The following LRRC49 variants were observed in gnomAD, a reference collection of about 807,000 sequenced individuals.
The protein encoded by LRRC49 is leucine-rich repeat-containing protein 49.
A neutral mutation model predicts 83.3 loss-of-function variants in LRRC49; 50 were observed. The ratio of observed to expected loss-of-function variants is 0.60; its 90% CI spans 0.48 to 0.76. The LOEUF is 0.76. Among genes scored for constraint, LRRC49 ranks in the 30% least tolerant of loss-of-function variants. LRRC49 has a pLI of 0.00. For missense variants in LRRC49, 704 were observed against 809.1 expected, an observed-to-expected ratio of 0.87 and a Z score of 1.58; for synonymous variants, 286 against 283.3, an observed-to-expected ratio of 1.01 and a Z score of -0.10.
intron 7 of LRRC49, among the ~76,000 whole-genome samples, chr15:70,928,433 T>C (rs563578420): frequency 6.6e-6 from 1 of 152,306 alleles, no homozygotes; most frequent in Admixed American, 6.5e-5. Context: ...AAGTGCTGAA[T>C]AAAATAGTTG....
At position 70,895,903 on chromosome 15, in the gene LRRC49, C is replaced by G; in HGVS notation, c.160C>G (p.His54Asp). The G allele has an allele frequency of 1.2e-6, 2 of 1,610,932 alleles. No homozygotes were observed. Among genetic ancestry groups the G allele is most frequent in the Non-Finnish European group, 1.7e-6 (2 of 1,178,262 alleles). ...GTCATTCCCCGGTAGACTTTTACAA[C>G]ATGACCTTGAAAGAAACTACTCAAG... is the stretch of plus-strand genomic sequence containing the variant. ...TSSFPGRLLQHDLERNYSSRQ... is the reference protein window; with the variant it reads ...TSSFPGRLLQDDLERNYSSRQ... Residue 54 changes from histidine to aspartate, a missense_variant, in exon 3 of 16, where the codon CAT becomes GAT. This residue lies in a region of LRRC49 where 261 missense variants were observed against 330.5 expected (regional missense o/e 0.79). Coordinates refer to ENST00000260382, the MANE Select transcript of LRRC49 (RefSeq NM_017691.5).
intron 7 of LRRC49, among the ~76,000 whole-genome samples, chr15:70,929,403 T>C (rs1244274431): frequency 6.6e-6 from 1 of 152,192 alleles, no homozygotes; most frequent in Non-Finnish European, 1.5e-5. Context: ...ATACCTTAAT[T>C]CAAAAATACT....
chr15:70,874,069 A>AGGG (rs2033104769), intron 2 of LRRC49, among the ~76,000 whole-genome samples: 1 of 152,158 alleles, frequency 6.6e-6, no homozygotes, highest in Non-Finnish European at 1.5e-5. Flanking sequence ...TAGTCCAGCT[A>AGGG]GGGAACCTTC....
At chr15:70,858,759 G>GC in intron 1 of LRRC49, 4 of 1,152,696 alleles carry the variant, frequency 3.5e-6, no homozygotes, top group Middle Eastern at 2.0e-4. Flanking sequence ...TCCACCTCTG[G>GC]CCCCCGGGCC....
intron 2 of LRRC49, among the ~76,000 whole-genome samples, chr15:70,893,868 GT>G (rs772167690): frequency 5.8e-4 from 80 of 138,372 alleles, no homozygotes; most frequent in Non-Finnish European, 4.6e-4. Flanking sequence ...GGGTTTTTTT[GT>G]TTTTTTTTTT....
intron 1 of LRRC49, chr15:70,859,977 G>A: frequency 1.3e-6 from 1 of 759,680 alleles, no homozygotes; most frequent in Non-Finnish European, 2.4e-6. Flanking sequence ...TATGCAGGTG[G>A]TCTGAGCTCC....
chr15:70,962,584 T>C lies in LRRC49; in HGVS notation c.774-1201T>C, dbSNP rs539575429. Among the ~76,000 whole-genome samples the C allele has an allele frequency of 4.0e-5, 6 of 151,640 alleles. No individual in the cohort carries two copies. The South Asian group carries it at 6.3e-4, about 16-fold the overall frequency. On this transcript the variant is annotated intron_variant, in intron 8 of 15. Coordinates refer to ENST00000260382, the MANE Select transcript of LRRC49 (RefSeq NM_017691.5). The stretch of plus-strand genomic sequence containing the variant: ...AAATACATGAGTATAGAAAATCTTA[T>C]AGTGCCAGAAAGTAAGAAAGTGCTC...
upstream of LRRC49, chr15:70,892,579 G>A (rs1018851762): frequency 2.0e-6 from 3 of 1,480,852 alleles, no homozygotes; most frequent in Admixed American, 4.2e-5. Flanking sequence ...GACCGGAAGT[G>A]GTGGTGGTTA....
chr15:70,864,033 A>T (rs983546832), intron 1 of LRRC49, among the ~76,000 whole-genome samples: 2 of 152,060 alleles, frequency 1.3e-5, no homozygotes, highest in African/African-American at 4.8e-5. Flanking sequence ...CCCATTGGAT[A>T]GGGTATAGTC....
chr15:70,886,871 G>GA (rs533682325), intron 2 of LRRC49, among the ~76,000 whole-genome samples: 89 of 137,656 alleles, frequency 6.5e-4, no homozygotes, highest in Non-Finnish European at 8.8e-4. Context: ...GTCTAAAAAA[G>GA]AAAAAAAAAA....
intron 8 of LRRC49, among the ~76,000 whole-genome samples, chr15:70,938,284 A>C (rs1390804538): frequency 6.6e-6 from 1 of 152,152 alleles, no homozygotes; most frequent in Non-Finnish European, 1.5e-5. Context: ...AGTTCTGCTC[A>C]CCCAGCAAAA....
At chr15:70,977,785 T>C (rs901195708) in intron 9 of LRRC49, among the ~76,000 whole-genome samples, 2 of 152,124 alleles carry the variant, frequency 1.3e-5, no homozygotes, top group African/African-American at 4.8e-5. Context: ...TTCTAAACTC[T>C]TCTTTATCTA....
At chr15:71,036,224 T>G (rs1267720028) in intron 14 of LRRC49, among the ~76,000 whole-genome samples, 1 of 152,212 alleles carries the variant, frequency 6.6e-6, no homozygotes, top group Non-Finnish European at 1.5e-5. Flanking sequence ...TTAAGTTCTT[T>G]GTAGATTCTA....
chr15:70,866,766 C>T (rs1428446409), intron 1 of LRRC49, among the ~76,000 whole-genome samples: 2 of 152,036 alleles, frequency 1.3e-5, no homozygotes, highest in Non-Finnish European at 2.9e-5. Context: ...TCAATCACAC[C>T]TTAAGAAAAT....
At position 71,052,258 on chromosome 15, in the gene LRRC49, G is replaced by A. The variant is rs1567119066; in HGVS notation, c.*2646G>A. 6.6e-6 allele frequency: 1 copy of A among 152,246 alleles called. No homozygotes were observed. The highest frequency in any genetic ancestry group is 1.9e-4 in the East Asian group (1 of 5,176). 9.4% of individuals were successfully genotyped at this position (152,246 alleles called of 1,614,324 possible). ...GAGACTCTCTAGGCTAGTGTGTGCT[G>A]AAGAATTGCTTTTTTTCAAAAGGGA... On this transcript the variant is annotated 3_prime_UTR_variant, in exon 16 of 16. Transcript: ENST00000260382.
intron 8 of LRRC49, among the ~76,000 whole-genome samples, chr15:70,938,452 C>T (rs1045115725): frequency 1.3e-5 from 2 of 152,090 alleles, no homozygotes; most frequent in African/African-American, 4.8e-5. Context: ...CACAGTATAC[C>T]TTCCTCTAGT....
In LRRC49 at chr15:71,004,582, G is replaced by A. The variant is rs868485902; in HGVS notation, c.1170-3797G>A. Among the ~76,000 whole-genome samples the A allele has an allele frequency of 2.5e-4, 38 of 151,842 alleles. No individual in the cohort carries two copies. The Middle Eastern group carries it at 0.014, about 54-fold the overall frequency. Reference sequence around the variant, plus strand: ...CAAGAATCTCTTGAATCCGGGAGGCGGAGGTTGCAGTGGGCTGAGATTGTG... The same window carrying A: ...CAAGAATCTCTTGAATCCGGGAGGCAGAGGTTGCAGTGGGCTGAGATTGTG... On this transcript the variant is annotated intron_variant, in intron 11 of 15. Coordinates refer to ENST00000260382, the MANE Select transcript of LRRC49 (RefSeq NM_017691.5).
chr15:70,928,870 C>T (rs1182428912), intron 7 of LRRC49, among the ~76,000 whole-genome samples: 2 of 152,158 alleles, frequency 1.3e-5, no homozygotes, highest in Non-Finnish European at 2.9e-5. Flanking sequence ...TGGCACATAT[C>T]TTTCATTTAT....
At chr15:71,035,624 G>T (rs970626895) in intron 14 of LRRC49, among the ~76,000 whole-genome samples, 3 of 152,118 alleles carry the variant, frequency 2.0e-5, no homozygotes, top group African/African-American at 7.2e-5. Context: ...GTGATAGTTT[G>T]CTGAGAATGA....
Sources: gnomAD v4.1 joint callset for allele counts (sites outside exome capture counted in the v4.1 genomes callset) on GRCh38, gnomAD v4.1.1 for gene constraint, gnomAD v4.1.1 regional missense constraint, MANE v1.5 for transcripts, NCBI Gene and HGNC (gene_info 2026-07-23, HGNC 2026-07-21) for gene names.